COLEC11: variants seen among roughly 807,000 people sequenced by gnomAD.
The protein encoded by COLEC11 is collectin subfamily member 11.
COLEC11 carries 20 observed loss-of-function variants against 27.3 expected under a neutral mutation model. The ratio of observed to expected loss-of-function variants is 0.73; its 90% CI spans 0.51 to 1.06. The LOEUF is 1.06. Ranked by LOEUF, COLEC11 falls within the 50% of genes least tolerant of loss-of-function variation. The pLI, the probability that COLEC11 is intolerant of heterozygous loss-of-function variation, is 0.00. For synonymous variants in COLEC11, 163 were observed against 154.7 expected, an observed-to-expected ratio of 1.05 and a Z score of -0.40; for missense variants, 310 against 383.0, an observed-to-expected ratio of 0.81 and a Z score of 1.59.
chr2:3,610,210 T>G (rs990367019), intron 2 of COLEC11, among the ~76,000 whole-genome samples: 5 of 152,222 alleles, frequency 3.3e-5, no homozygotes, highest in African/African-American at 4.8e-5. Flanking sequence ...TAGCTGTGTC[T>G]TCACCTCTAG....
At chr2:3,609,850 G>A (rs182564089) in intron 2 of COLEC11, among the ~76,000 whole-genome samples, 1 of 152,116 alleles carries the variant, frequency 6.6e-6, no homozygotes, top group East Asian at 1.9e-4. Context: ...TTTTTGTAGA[G>A]ATGGGGTCTT....
intron 2 of COLEC11, among the ~76,000 whole-genome samples, chr2:3,611,151 T>C (rs1275473070): frequency 2.6e-5 from 4 of 152,192 alleles, no homozygotes; most frequent in African/African-American, 9.7e-5. Context: ...CAGAGCGACA[T>C]TGGCATTTGT....
chr2:3,632,072 CCTG>C (rs1182500741), intron 3 of COLEC11, among the ~76,000 whole-genome samples: 2 of 152,160 alleles, frequency 1.3e-5, no homozygotes, highest in African/African-American at 4.8e-5. Context: ...CGCTCGCGCT[CCTG>C]CTCCTGATGC....
chr2:3,619,467 C>CT (rs1664024261), intron 3 of COLEC11, among the ~76,000 whole-genome samples: 3 of 152,238 alleles, frequency 2.0e-5, no homozygotes, highest in African/African-American at 7.2e-5. Flanking sequence ...TTCTTGAGAG[C>CT]TTTTATCATG....
At chr2:3,614,494 C>A (rs114581112) in intron 3 of COLEC11, among the ~76,000 whole-genome samples, 3,614 of 152,104 alleles carry the variant, frequency 0.024, 152 homozygotes, top group African/African-American at 0.081. Context: ...TGACCATTGC[C>A]CTCGCCCGTA....
intron 3 of COLEC11, among the ~76,000 whole-genome samples, chr2:3,622,402 A>C (rs961301423): frequency 2.6e-5 from 4 of 152,162 alleles, no homozygotes; most frequent in African/African-American, 9.7e-5. Context: ...TAACCTTTAT[A>C]CTAGAGTTAT....
chr2:3,616,770 CCG>C (rs1373700207), intron 3 of COLEC11, among the ~76,000 whole-genome samples: 1 of 143,836 alleles, frequency 7.0e-6, no homozygotes, highest in African/African-American at 2.9e-5. Context: ...GAGAGGGAGA[CCG>C]TGGGGAGAGG....
At position 3,602,558 on chromosome 2, in the gene COLEC11, G is replaced by A. The variant is rs1011772285; in HGVS notation, c.-26-1757G>A. Among the ~76,000 whole-genome samples the A allele has an allele frequency of 4.6e-5, 7 of 152,046 alleles. No homozygotes were observed. The highest frequency in any genetic ancestry group is 2.0e-4 in the Admixed American group (3 of 15,272). Reference sequence around the variant, plus strand: ...CACGTGGGGTCCAGCTGCCATCCTCGCCCGCTGTGCTGTTGTGGTCACCCT... The same window carrying A: ...CACGTGGGGTCCAGCTGCCATCCTCACCCGCTGTGCTGTTGTGGTCACCCT... On this transcript the variant is annotated intron_variant, in intron 1 of 6. Transcript: ENST00000349077. The surrounding 1 kb of genome is among the most constrained non-coding windows in gnomAD (Gnocchi z 6.2).
intron 3 of COLEC11, among the ~76,000 whole-genome samples, chr2:3,634,029 C>T (rs533808397): frequency 1.3e-5 from 2 of 152,342 alleles, no homozygotes; most frequent in Non-Finnish European, 2.9e-5. Context: ...GGGACACCTG[C>T]CCTCACAAAC....
chr2:3,609,790 A>G (rs893545092), intron 2 of COLEC11, among the ~76,000 whole-genome samples: 2 of 152,114 alleles, frequency 1.3e-5, no homozygotes, highest in African/African-American at 4.8e-5. Flanking sequence ...TTGGGCTCCC[A>G]AAATGCTGGG....
In COLEC11 at chr2:3,643,728, T is replaced by C. The variant is rs1414996075; in HGVS notation, c.426T>C (p.Ala142=). 1.9e-6 allele frequency: 3 copies of C among 1,613,514 alleles called. No homozygotes were observed. The highest frequency in any genetic ancestry group is 2.5e-6 in the Non-Finnish European group (3 of 1,179,950). Residue 142 remains alanine, a splice_region_variant and synonymous_variant, in exon 7 of 7, where the codon GCT becomes GCC. Coordinates refer to ENST00000349077, the MANE Select transcript of COLEC11 (RefSeq NM_024027.5). ...LTSELKFIKN[A]VAGVRETESK... Reference sequence around the variant, plus strand: ...TTTCAACCCTGCCTTACCCCACAGCTGTCGCCGGTGTGCGCGAGACGGAGA... The same window carrying C: ...TTTCAACCCTGCCTTACCCCACAGCCGTCGCCGGTGTGCGCGAGACGGAGA...
chr2:3,598,461 G>C (rs1662009628), intron 1 of COLEC11, among the ~76,000 whole-genome samples: 1 of 152,236 alleles, frequency 6.6e-6, no homozygotes, highest in African/African-American at 2.4e-5. Flanking sequence ...CACTCAGTTT[G>C]GTGCCTGCTA....
chr2:3,613,266 G>C, intron 2 of COLEC11, 45 bp from the exon 3 acceptor site: 1 of 1,571,904 alleles, frequency 6.4e-7, no homozygotes, highest in Non-Finnish European at 8.7e-7. Flanking sequence ...CTGAGACGCT[G>C]TGCTGGCCAG....
intron 1 of COLEC11, chr2:3,603,452 G>A (rs1363320941): frequency 5.1e-6 from 3 of 585,744 alleles, no homozygotes; most frequent in Admixed American, 4.7e-5. Context: ...AAGTAGCTGG[G>A]ATTAGAGGTG....
At chr2:3,606,326 G>C in intron 2 of COLEC11, 2 of 1,223,606 alleles carry the variant, frequency 1.6e-6, no homozygotes, top group Non-Finnish European at 2.3e-6. Context: ...GCTGTTGGGA[G>C]GGTCCTTCCC....
At chr2:3,601,525 C>T (rs1662218767) in intron 1 of COLEC11, among the ~76,000 whole-genome samples, 1 of 152,194 alleles carries the variant, frequency 6.6e-6, no homozygotes, top group Non-Finnish European at 1.5e-5. Context: ...AACTCCTGGA[C>T]TCAAGCAATC....
chr2:3,641,467 C>A lies in COLEC11; in HGVS notation c.328+1136C>A, dbSNP rs528120674. On this transcript the variant is annotated intron_variant, in intron 5 of 6. Transcript: ENST00000349077. Reference sequence around the variant, plus strand: ...GGCGGGGCAAGGAGAGGGGACGTCCCATCCCGGGGCTGAGCTGCTATCGTC... The same window carrying A: ...GGCGGGGCAAGGAGAGGGGACGTCCAATCCCGGGGCTGAGCTGCTATCGTC... The A allele has an allele frequency of 6.4e-6, 8 of 1,240,906 alleles. No individual in the cohort carries two copies. In the East Asian group the frequency reaches 4.6e-4, roughly 71 times the overall value. 76.9% of individuals were successfully genotyped at this position (1,240,906 alleles called of 1,614,324 possible).
rs374999494 is a variant in COLEC11 at position 3,618,392 on chromosome 2, T to C, written c.202+5010T>C. On this transcript the variant is annotated intron_variant, in intron 3 of 6. Transcript: ENST00000349077. The stretch of plus-strand genomic sequence containing the variant: ...TGTATGGTATAAGACAAGGATTCAG[T>C]TTTGTTTTTTTGCATGTGAATATTC... 1.3e-4 allele frequency among the ~76,000 whole-genome samples: 19 copies of C among 151,862 alleles called. No homozygotes were observed. The East Asian group carries it at 3.3e-3, about 26-fold the overall frequency.
chr2:3,604,741 C>T (rs940308889), intron 2 of COLEC11, among the ~76,000 whole-genome samples: 6 of 152,110 alleles, frequency 3.9e-5, no homozygotes, highest in Middle Eastern at 3.2e-3. Flanking sequence ...CCTGGCTTTC[C>T]GTCAGACCCT....
Sources: allele counts gnomAD v4.1 joint callset (sites outside exome capture counted in the v4.1 genomes callset), GRCh38; gene constraint gnomAD v4.1.1; non-coding constraint Gnocchi (gnomAD v3.1); transcripts MANE v1.5; gene names NCBI Gene and HGNC (gene_info 2026-07-23, HGNC 2026-07-21).